AGL: variants seen among roughly 807,000 people sequenced by gnomAD.
AGL encodes amylo-alpha-1,6-glucosidase and 4-alpha-glucanotransferase.
In AGL, 128 loss-of-function variants were observed where a neutral mutation model predicts 199.3. The ratio of observed to expected loss-of-function variants is 0.64; its 90% CI spans 0.56 to 0.74. The LOEUF is 0.74. Ranked by LOEUF, AGL falls within the 30% of genes least tolerant of loss-of-function variation. The probability of loss-of-function intolerance (pLI) is 0.00; values close to 1 mark genes in which losing one functional copy is unlikely to be tolerated. For synonymous variants in AGL, 584 were observed against 594.7 expected, an observed-to-expected ratio of 0.98 and a Z score of 0.26; for missense variants, 1,809 against 1,820.8, an observed-to-expected ratio of 0.99 and a Z score of 0.12.
At chr1:99,882,736 G>A (rs1217311738) in intron 17 of AGL, among the ~76,000 whole-genome samples, 2 of 151,992 alleles carry the variant, frequency 1.3e-5, no homozygotes, top group African/African-American at 4.8e-5. Context: ...ATTATATGTG[G>A]CATATTACAG....
chr1:99,884,874 TTGTG>T (rs1197300142), intron 20 of AGL, among the ~76,000 whole-genome samples, 171 bp downstream of exon 20: 1 of 152,224 alleles, frequency 6.6e-6, no homozygotes, highest in South Asian at 2.1e-4. Flanking sequence ...GTTTTATAAT[TTGTG>T]TGTGTACCTG....
chr1:99,884,543 A>C (rs1256918830), intron 19 of AGL, 26 bp from the exon 20 acceptor site: 2 of 1,612,694 alleles, frequency 1.2e-6, no homozygotes, highest in African/African-American at 2.7e-5. Flanking sequence ...CCTAAAAATT[A>C]ACCACTTTTT....
intron 5 of AGL, among the ~76,000 whole-genome samples, chr1:99,870,033 T>A (rs546776483): frequency 1.2e-3 from 187 of 152,350 alleles, no homozygotes; most frequent in Middle Eastern, 0.01. Flanking sequence ...ACATTCGTAT[T>A]CCTTGAGCGT....
At chr1:99,897,883 A>T (rs1439259707) in intron 25 of AGL, among the ~76,000 whole-genome samples, 1 of 152,118 alleles carries the variant, frequency 6.6e-6, no homozygotes, top group Non-Finnish European at 1.5e-5. Context: ...CAGTTCATAA[A>T]TGTTAGTTTT....
intron 33 of AGL, among the ~76,000 whole-genome samples, chr1:99,918,018 A>G (rs1655258458): frequency 6.6e-6 from 1 of 152,094 alleles, no homozygotes; most frequent in Non-Finnish European, 1.5e-5. Flanking sequence ...CTGTATCTCC[A>G]TCTTGTATCA....
At position 99,888,058 on chromosome 1, in the gene AGL, G is replaced by A; in HGVS notation, c.2762G>A (p.Gly921Glu). Residue 921 changes from glycine to glutamate, a missense_variant, in exon 21 of 34, where the codon GGG becomes GAG. Gly to Glu is a moderately conservative substitution (Grantham distance 98, BLOSUM62 -2). Coordinates refer to ENST00000361915, the MANE Select transcript of AGL (RefSeq NM_000642.3). ...TCAGAAGAAAAGGAAGATGGTGGAG[G>A]GTGCTATGACATACCAAACTGGTCA... is the stretch of plus-strand genomic sequence containing the variant. ...CESEEKEDGG[G>E]CYDIPNWSAL... is the part of the protein sequence containing the mutation. The A allele has an allele frequency of 6.2e-7, 1 of 1,613,524 alleles. No individual in the cohort carries two copies. Among genetic ancestry groups the A allele is most frequent in the Non-Finnish European group, 8.5e-7 (1 of 1,179,682 alleles).
intron 30 of AGL, among the ~76,000 whole-genome samples, chr1:99,914,005 A>G (rs574742593): frequency 4.3e-4 from 66 of 152,296 alleles, no homozygotes; most frequent in Non-Finnish European, 8.8e-4. Context: ...CACATAGAAG[A>G]TGTTATTTGT....
At chr1:99,874,459 C>A in intron 7 of AGL, 1 of 435,942 alleles carries the variant, frequency 2.3e-6, no homozygotes, top group South Asian at 3.2e-5. Flanking sequence ...TTATTTTTGT[C>A]TCTGTTTCTT....
At chr1:99,859,780 G>A (rs553660184) in intron 2 of AGL, among the ~76,000 whole-genome samples, 1 of 152,284 alleles carries the variant, frequency 6.6e-6, no homozygotes, top group Non-Finnish European at 1.5e-5. Context: ...GACCTCAGGT[G>A]ATCCTCTCGC....
At chr1:99,902,534 G>C (rs1653922683) in intron 26 of AGL, 149 bp from the exon 27 acceptor site, 1 of 651,170 alleles carries the variant, frequency 1.5e-6, no homozygotes, top group Admixed American at 2.1e-5. Flanking sequence ...TGGTATATAG[G>C]AGCTGCTTCT....
chr1:99,870,629 A>C (rs759838749), intron 6 of AGL, 48 bp downstream of exon 6: 25 of 1,593,460 alleles, frequency 1.6e-5, no homozygotes, highest in South Asian at 2.2e-5. Flanking sequence ...AAAATTTCTA[A>C]AGCACACATT....
intron 11 of AGL, among the ~76,000 whole-genome samples, chr1:99,877,137 A>G (rs1288615255): frequency 6.6e-6 from 1 of 151,986 alleles, no homozygotes; most frequent in Non-Finnish European, 1.5e-5. Flanking sequence ...AGGAGTCTAT[A>G]TTAGTGACAT....
intron 7 of AGL, chr1:99,874,387 T>G (rs58794035): frequency 1.6e-5 from 3 of 191,990 alleles, no homozygotes; most frequent in African/African-American, 7.1e-5. Context: ...TGAATGCTGA[T>G]GTAGGCAGAA....
chr1:99,905,806 C>T (rs1193367069), intron 27 of AGL, among the ~76,000 whole-genome samples: 12 of 152,048 alleles, frequency 7.9e-5, no homozygotes, highest in Non-Finnish European at 1.5e-4. Context: ...GTCTTGAATT[C>T]CTGACCTCAA....
At position 99,891,601 on chromosome 1, in the gene AGL, T is replaced by C. The variant is rs760229683; in HGVS notation, c.2950-5T>C. On this transcript the variant is annotated splice_region_variant and splice_polypyrimidine_tract_variant and intron_variant, in intron 22 of 33. Coordinates refer to ENST00000361915, the MANE Select transcript of AGL (RefSeq NM_000642.3). ...AATTAACTTTCAAATTTATTTTAAT[T>C]ACAGGTTGGTAAATGGTTGCAGGCT... The C allele has an allele frequency of 6.2e-7, 1 of 1,613,312 alleles. No homozygotes were observed. The highest frequency in any genetic ancestry group is 8.5e-7 in the Non-Finnish European group (1 of 1,179,562).
rs940801463 is a variant in AGL, at chr1:99,896,140, G to A, written c.3260-146G>A. 8 of 685,870 alleles carry A rather than the reference G, an allele frequency of 1.2e-5. No homozygotes were observed. The African/African-American group carries it at 1.3e-4, about 11-fold the overall frequency. The allele number at this position is 685,870 out of a possible 1,614,324, so 42.5% of individuals were successfully genotyped here. A position where few individuals can be genotyped will look rare whatever the true frequency, so the allele number is the denominator to read the frequency against. On this transcript the variant is annotated intron_variant, in intron 24 of 33. Coordinates refer to ENST00000361915, the MANE Select transcript of AGL (RefSeq NM_000642.3). Reference sequence around the variant, plus strand: ...TAACATAAGTATAGACATACATTTTGCAAATAATTTTAGAGGGTTTTAGAG... The same window carrying A: ...TAACATAAGTATAGACATACATTTTACAAATAATTTTAGAGGGTTTTAGAG...
chr1:99,870,271 T>C, intron 5 of AGL, 129 bp from the exon 6 acceptor site: 3 of 964,360 alleles, frequency 3.1e-6, no homozygotes, highest in Non-Finnish European at 4.7e-6. Flanking sequence ...AGTATCATCG[T>C]AAAATTGATG....
chr1:99,910,520 T>A (rs1654662554), intron 27 of AGL, among the ~76,000 whole-genome samples, 192 bp from the exon 28 acceptor site: 1 of 152,144 alleles, frequency 6.6e-6, no homozygotes, highest in Non-Finnish European at 1.5e-5. Flanking sequence ...AATTCCTATG[T>A]GGTAGAATAT....
Position 99,872,371 on chromosome 1 carries a change from T to C in AGL, c.958+1502T>C, listed in dbSNP as rs140022770. Among the ~76,000 whole-genome samples the C allele has an allele frequency of 3.1e-3, 472 of 152,308 alleles. 3 individuals are homozygous for C. Among genetic ancestry groups the C allele is most frequent in the African/African-American group, 0.011 (463 of 41,554 alleles). On this transcript the variant is annotated intron_variant, in intron 7 of 33. Coordinates refer to ENST00000361915, the MANE Select transcript of AGL (RefSeq NM_000642.3). ...TGAGTCAATCTGAAGGATACATTGTTAAACATGGAATTATTGAGTCAAAGG... is the reference window on the plus strand; with the variant it reads ...TGAGTCAATCTGAAGGATACATTGTCAAACATGGAATTATTGAGTCAAAGG...
Sources: gnomAD v4.1 joint callset for allele counts (sites outside exome capture counted in the v4.1 genomes callset) on GRCh38, gnomAD v4.1.1 for gene constraint, MANE v1.5 for transcripts, NCBI Gene and HGNC (gene_info 2026-07-23, HGNC 2026-07-21) for gene names.